Variants in LTN1 observed in about 807,000 individuals in gnomAD.
The protein encoded by LTN1 is E3 ubiquitin-protein ligase listerin.
Under a neutral mutation model 201.2 loss-of-function variants are expected in LTN1, and 88 were observed. The observed-to-expected ratio is 0.44, with a 90% CI of 0.37 to 0.52. LTN1 has a LOEUF of 0.52. Ranked by LOEUF, LTN1 falls within the 20% of genes least tolerant of loss-of-function variation. The probability of loss-of-function intolerance (pLI) is 0.00; values close to 1 mark genes in which losing one functional copy is unlikely to be tolerated. For synonymous variants in LTN1, 645 were observed against 713.5 expected, an observed-to-expected ratio of 0.90 and a Z score of 1.53; for missense variants, 1,752 against 2,038.7, an observed-to-expected ratio of 0.86 and a Z score of 2.71.
At chr21:28,936,743 C>A in intron 25 of LTN1, 46 bp from the exon 26 acceptor site, 1 of 1,442,482 alleles carries the variant, frequency 6.9e-7, no homozygotes. Flanking sequence ...TACACCAAGA[C>A]AATTGGTATA....
At position 28,931,181 on chromosome 21, in the gene LTN1, T is replaced by C; in HGVS notation, c.5212A>G (p.Lys1738Glu). 1 of 1,611,836 alleles carries C rather than the reference T, an allele frequency of 6.2e-7. No individual in the cohort carries two copies. Among genetic ancestry groups the C allele is most frequent in the South Asian group, 1.1e-5 (1 of 90,412 alleles). ...AAGCAGGCTGAATGGAATTTTTTCT[T>C]GCATGTTCTACAGGCTTTTTTGGGA... is the stretch of plus-strand genomic sequence containing the variant. ...SLPKKACRTC[K>E]KKFHSACLYK... Residue 1738 changes from lysine to glutamate, a missense_variant, in exon 29 of 30, where the codon AAG becomes GAG. Physicochemically the swap from Lys to Glu is moderately conservative, Grantham distance 56. Transcript: ENST00000361371.
At chr21:28,989,032 TAA>T (rs911154232) in intron 1 of LTN1, among the ~76,000 whole-genome samples, 3 of 152,104 alleles carry the variant, frequency 2.0e-5, no homozygotes, top group Non-Finnish European at 4.4e-5. Context: ...CTCTATTTTT[TAA>T]GTTTATTAAA....
At chr21:28,992,650 G>T in intron 1 of LTN1, 114 bp downstream of exon 1, 1 of 1,165,538 alleles carries the variant, frequency 8.6e-7, no homozygotes, top group Non-Finnish European at 1.2e-6. Context: ...ACACTCGACA[G>T]GGAAACACAC....
At chr21:28,944,062 C>A (rs557996533) in intron 22 of LTN1, among the ~76,000 whole-genome samples, 158 bp from the exon 23 acceptor site, 6 of 152,228 alleles carry the variant, frequency 3.9e-5, no homozygotes, top group African/African-American at 1.4e-4. Context: ...AATATATATT[C>A]CAGTTAATCT....
At chr21:28,968,149 C>A (rs763333237) in intron 9 of LTN1, among the ~76,000 whole-genome samples, 10 of 152,144 alleles carry the variant, frequency 6.6e-5, no homozygotes, top group Non-Finnish European at 1.2e-4. Flanking sequence ...ACCTAAAGAT[C>A]CCTTTCATAT....
chr21:28,973,265 T>C (rs73190153), intron 6 of LTN1, among the ~76,000 whole-genome samples: 31,577 of 147,254 alleles, frequency 0.21, 3,731 homozygotes, highest in South Asian at 0.28. Flanking sequence ...AAAAATCACT[T>C]GAATCCGGAA....
At chr21:28,980,663 C>T (rs2084651696) in intron 6 of LTN1, among the ~76,000 whole-genome samples, 2 of 151,574 alleles carry the variant, frequency 1.3e-5, no homozygotes. Flanking sequence ...CTGCATTTCC[C>T]GTAAGGGCAA....
At chr21:28,984,477 T>G (rs2084681906) in intron 4 of LTN1, among the ~76,000 whole-genome samples, 1 of 152,164 alleles carries the variant, frequency 6.6e-6, no homozygotes, top group African/African-American at 2.4e-5. Context: ...AATGGAAAAT[T>G]TAAATACTGT....
chr21:28,948,224 T>G (rs1172435373), intron 18 of LTN1, among the ~76,000 whole-genome samples: 37 of 150,114 alleles, frequency 2.5e-4, no homozygotes, highest in African/African-American at 8.8e-4. Flanking sequence ...AGTCAATTGA[T>G]TCAACTTAAA....
At chr21:28,963,030 G>A (rs1470943759) in intron 11 of LTN1, among the ~76,000 whole-genome samples, 2 of 152,314 alleles carry the variant, frequency 1.3e-5, no homozygotes, top group East Asian at 1.9e-4. Context: ...AAAGACTGAC[G>A]CTAGCAAAGG....
intron 10 of LTN1, 139 bp from the exon 11 acceptor site, chr21:28,966,045 C>T: frequency 1.6e-6 from 1 of 625,446 alleles, no homozygotes; most frequent in Non-Finnish European, 2.8e-6. Flanking sequence ...GTAGCTGGGA[C>T]TACATGCATG....
intron 25 of LTN1, among the ~76,000 whole-genome samples, chr21:28,937,445 A>G (rs2084265463): frequency 6.6e-6 from 1 of 152,100 alleles, no homozygotes; most frequent in Admixed American, 6.5e-5. Context: ...GGGGCATATG[A>G]GGTATTTTAT....
At position 28,958,461 on chromosome 21, in the gene LTN1, T is replaced by C. The variant is rs35877629; in HGVS notation, c.2672A>G (p.Lys891Arg). The change falls in exon 14 of 30, where the codon AAA becomes AGA. Residue 891 changes from lysine (K) to arginine (R), a missense_variant. Lys to Arg is a conservative substitution (Grantham distance 26, BLOSUM62 2). Coordinates refer to ENST00000361371, the MANE Select transcript of LTN1 (RefSeq NM_015565.3). ...LLVHQTDSSY[K>R]ESTFLHLSAL... The stretch of plus-strand genomic sequence containing the variant: ...AGACAAATGTAGGAAGGTACTCTCT[T>C]TATATGAACTGTCAGTTTGATGAAC... The C allele has an allele frequency of 2.4e-3, 3,861 of 1,612,220 alleles. 95 individuals are homozygous for C. The African/African-American group carries it at 0.044, about 18-fold the overall frequency.
chr21:28,934,779 T>C (rs939863635), intron 27 of LTN1, among the ~76,000 whole-genome samples: 13 of 152,164 alleles, frequency 8.5e-5, no homozygotes, highest in Non-Finnish European at 1.3e-4. Flanking sequence ...CTTTATAAAT[T>C]ACCCAGTTTC....
chr21:28,949,678 C>A (rs1394136930), intron 18 of LTN1, among the ~76,000 whole-genome samples: 1 of 152,126 alleles, frequency 6.6e-6, no homozygotes, highest in Non-Finnish European at 1.5e-5. Flanking sequence ...AATTTCTTTC[C>A]CTTTTAAGGC....
rs548786771 is a variant in LTN1, at chr21:28,964,406, A to G, written c.2163+1459T>C. Among the ~76,000 whole-genome samples, 8 of 152,380 alleles carry G rather than the reference A, an allele frequency of 5.3e-5. No homozygotes were observed. The South Asian group carries it at 1.7e-3, about 32-fold the overall frequency. ...CTCGCTGAAGGCTGAGATGATCATT[A>G]GCACTGTTTAGCAATAAATTAATTT... is the stretch of plus-strand genomic sequence containing the variant. On this transcript the variant is annotated intron_variant, in intron 11 of 29. Transcript: ENST00000361371.
At chr21:28,964,832 AG>A in intron 11 of LTN1, 1 of 1,446,252 alleles carries the variant, frequency 6.9e-7, no homozygotes, top group Non-Finnish European at 9.2e-7. Context: ...CTCTGAATCA[AG>A]GCTTATCAAG....
At chr21:28,958,591 T>A in intron 13 of LTN1, 52 bp from the exon 14 acceptor site, 2 of 1,340,878 alleles carry the variant, frequency 1.5e-6, no homozygotes, top group Non-Finnish European at 2.1e-6. Context: ...TTAACTCTCA[T>A]CAGCACAAAA....
rs145282324 is a variant in LTN1, at chr21:28,946,176, T to A, written c.3599A>T (p.His1200Leu). Reference sequence around the variant, plus strand: ...CCAACTGAAAAGAAAAATATCTTCATGCTCTTTCTTCCAGGATATTATGAT... The same window carrying A: ...CCAACTGAAAAGAAAAATATCTTCAAGCTCTTTCTTCCAGGATATTATGAT... Reference protein sequence around the residue: ...LKIIISWKKEHEDIFLFSCNL... With the variant: ...LKIIISWKKELEDIFLFSCNL... Residue 1200 changes from histidine (H) to leucine (L), a missense_variant, in exon 20 of 30, where the codon CAT becomes CTT. Around this residue, in one of 3 missense-constraint regions of LTN1, gnomAD observed 1,211 missense variants for 1,312.8 expected, o/e 0.92. Transcript: ENST00000361371. The A allele has an allele frequency of 6.3e-7, 1 of 1,582,936 alleles. No homozygotes were observed. Among genetic ancestry groups the A allele is most frequent in the South Asian group, 1.2e-5 (1 of 85,452 alleles).
Sources: allele counts gnomAD v4.1 joint callset (sites outside exome capture counted in the v4.1 genomes callset), GRCh38; gene constraint gnomAD v4.1.1; regional missense constraint gnomAD v4.1.1; transcripts MANE v1.5; gene names NCBI Gene and HGNC (gene_info 2026-07-23, HGNC 2026-07-21).